The following DENND1A variants were observed in gnomAD, a reference collection of about 807,000 sequenced individuals.
DENND1A encodes the protein DENN domain containing 1A, also known as DENN domain-containing protein 1A.
In DENND1A, 51 loss-of-function variants were observed where a neutral mutation model predicts 113.7. That is an observed-to-expected ratio of 0.45 (90% CI 0.36 to 0.57). DENND1A has a LOEUF of 0.57. Ranked by LOEUF, DENND1A falls within the 20% of genes least tolerant of loss-of-function variation. The pLI is 0.00. For missense variants in DENND1A, 1,258 were observed against 1,395.9 expected (o/e 0.90, Z 1.57); for synonymous variants, 565 against 570.8 (o/e 0.99, Z 0.14).
At chr9:123,855,822 G>A (rs1455643804) in intron 2 of DENND1A, among the ~76,000 whole-genome samples, 14 of 152,160 alleles carry the variant, frequency 9.2e-5, no homozygotes, top group Admixed American at 9.2e-4. Context: ...CGGATCACCT[G>A]AGGTCGGGAG....
At chr9:123,578,621 A>G (rs1474735549) in intron 12 of DENND1A, among the ~76,000 whole-genome samples, 1 of 152,208 alleles carries the variant, frequency 6.6e-6, no homozygotes, top group Non-Finnish European at 1.5e-5. Flanking sequence ...AACCCAATCC[A>G]TATGTGCCTT....
chr9:123,907,429 T>C (rs1477113974), intron 1 of DENND1A, among the ~76,000 whole-genome samples: 1 of 151,834 alleles, frequency 6.6e-6, no homozygotes, highest in Non-Finnish European at 1.5e-5. Context: ...GATGACATGA[T>C]TGTATATCTA....
chr9:123,694,793 T>C lies in DENND1A; in HGVS notation c.303-18004A>G, dbSNP rs34127022. On this transcript the variant is annotated intron_variant, in intron 5 of 23. Transcript: ENST00000394215. The stretch of plus-strand genomic sequence containing the variant: ...TCTTTTTGTCTACTGCACACTTTGG[T>C]ATCTACTCGGACACCCATTTGGCTT... 3.6e-3 allele frequency among the ~76,000 whole-genome samples: 550 copies of C among 152,346 alleles called. 5 individuals carry two copies. The highest frequency in any genetic ancestry group is 3.4e-3 in the Middle Eastern group (1 of 294).
At chr9:123,573,724 A>G (rs1258076126) in intron 12 of DENND1A, among the ~76,000 whole-genome samples, 2 of 152,128 alleles carry the variant, frequency 1.3e-5, no homozygotes, top group Non-Finnish European at 2.9e-5. Context: ...GAATAAAGAG[A>G]ATTTCACTTC....
At chr9:123,568,215 C>G (rs1391724497) in intron 12 of DENND1A, among the ~76,000 whole-genome samples, 3 of 152,320 alleles carry the variant, frequency 2.0e-5, no homozygotes, top group Middle Eastern at 6.8e-3. Flanking sequence ...TTACTCTGGG[C>G]TCAGCCCGAC....
chr9:123,897,680 A>T (rs1192205530), intron 1 of DENND1A, among the ~76,000 whole-genome samples: 1 of 152,138 alleles, frequency 6.6e-6, no homozygotes, highest in Non-Finnish European at 1.5e-5. Flanking sequence ...GCAATGCATA[A>T]AGGTCTGGCC....
intron 1 of DENND1A, among the ~76,000 whole-genome samples, chr9:123,922,424 A>G (rs1295821647): frequency 2.0e-5 from 3 of 152,240 alleles, no homozygotes; most frequent in Non-Finnish European, 4.4e-5. Context: ...ATACTAACAC[A>G]TACATTAAAA....
intron 2 of DENND1A, among the ~76,000 whole-genome samples, chr9:123,813,899 G>T (rs1052706449): frequency 1.3e-5 from 2 of 152,116 alleles, no homozygotes; most frequent in Non-Finnish European, 2.9e-5. Flanking sequence ...GGCCACTTAG[G>T]AAGACGCTTA....
chr9:123,767,136 T>TA (rs1367249602), intron 4 of DENND1A, among the ~76,000 whole-genome samples: 6 of 152,256 alleles, frequency 3.9e-5, no homozygotes, highest in East Asian at 3.9e-4. Context: ...TGCAAACTAA[T>TA]AAAAAAATTA....
chr9:123,533,677 C>T (rs995442446), intron 13 of DENND1A, among the ~76,000 whole-genome samples: 4 of 152,198 alleles, frequency 2.6e-5, no homozygotes, highest in African/African-American at 7.2e-5. Context: ...GAGGGGGACC[C>T]ATTGGAGATG....
intron 10 of DENND1A, among the ~76,000 whole-genome samples, chr9:123,620,232 A>AAAAAAAG (rs1554916731): frequency 0.044 from 4,952 of 112,864 alleles, 150 homozygotes; most frequent in African/African-American, 0.051. Context: ...AAAAAAAAAA[A>AAAAAAAG]AAAAAAGAAA....
intron 2 of DENND1A, among the ~76,000 whole-genome samples, chr9:123,823,844 G>A (rs1266498028): frequency 6.6e-6 from 1 of 152,042 alleles, no homozygotes; most frequent in Non-Finnish European, 1.5e-5. Flanking sequence ...AGAGACGGAG[G>A]GAAAAGAGAA....
At chr9:123,597,888 A>C (rs1310971849) in intron 11 of DENND1A, among the ~76,000 whole-genome samples, 1 of 152,212 alleles carries the variant, frequency 6.6e-6, no homozygotes, top group Admixed American at 6.5e-5. Flanking sequence ...GTTTTCATAA[A>C]GACGACCCCA....
At chr9:123,924,918 G>A (rs577394963) in intron 1 of DENND1A, among the ~76,000 whole-genome samples, 2 of 152,230 alleles carry the variant, frequency 1.3e-5, no homozygotes, top group Non-Finnish European at 1.5e-5. Flanking sequence ...AGTCTCTTTA[G>A]ATGACTAATA....
At chr9:123,634,787 A>G (rs1014317560) in intron 9 of DENND1A, among the ~76,000 whole-genome samples, 1 of 152,238 alleles carries the variant, frequency 6.6e-6, no homozygotes, top group Non-Finnish European at 1.5e-5. Context: ...TGACACCCCA[A>G]AAGATTTTGC....
intron 21 of DENND1A, 131 bp from the exon 22 acceptor site, chr9:123,387,989 G>A: frequency 2.1e-6 from 2 of 955,890 alleles, no homozygotes; most frequent in South Asian, 1.7e-5. Context: ...CTGGGGTGGG[G>A]GCTCTCAGGA....
At chr9:123,754,007 A>C (rs2070302049) in intron 5 of DENND1A, among the ~76,000 whole-genome samples, 1 of 152,180 alleles carries the variant, frequency 6.6e-6, no homozygotes, top group South Asian at 2.1e-4. Flanking sequence ...TCCTGGAACC[A>C]CAGGGGCTAC....
At chr9:123,836,885 A>C (rs1841129518) in intron 2 of DENND1A, among the ~76,000 whole-genome samples, 1 of 152,208 alleles carries the variant, frequency 6.6e-6, no homozygotes, top group Admixed American at 6.5e-5. Context: ...ACGTTTTGGA[A>C]TATTTATTGC....
At chr9:123,885,091 T>C (rs1372210798) in intron 1 of DENND1A, among the ~76,000 whole-genome samples, 1 of 151,582 alleles carries the variant, frequency 6.6e-6, no homozygotes, top group Non-Finnish European at 1.5e-5. Flanking sequence ...CTGGGTTAAG[T>C]GCCCCACCTT....
Sources: gnomAD v4.1 joint callset for allele counts (sites outside exome capture counted in the v4.1 genomes callset) on GRCh38, gnomAD v4.1.1 for gene constraint, MANE v1.5 for transcripts, NCBI Gene and HGNC (gene_info 2026-07-23, HGNC 2026-07-21) for gene names.